EXOC6B: variants seen among roughly 807,000 people sequenced by gnomAD.
The protein encoded by EXOC6B is SEC15 homolog B.
A neutral mutation model predicts 113.5 loss-of-function variants in EXOC6B; 54 were observed. The observed-to-expected ratio is 0.48, with a 90% CI of 0.38 to 0.60. The LOEUF is 0.60. Among genes scored for constraint, EXOC6B ranks in the 20% least tolerant of loss-of-function variants. The pLI, the probability that EXOC6B is intolerant of heterozygous loss-of-function variation, is 0.00. For missense variants in EXOC6B, 797 were observed against 977.5 expected, an observed-to-expected ratio of 0.82 and a Z score of 2.46; for synonymous variants, 357 against 339.0, an observed-to-expected ratio of 1.05 and a Z score of -0.58.
chr2:72,793,071 AATTT>A (rs1205910849), intron 1 of EXOC6B, among the ~76,000 whole-genome samples: 1 of 152,074 alleles, frequency 6.6e-6, no homozygotes, highest in East Asian at 1.9e-4. Context: ...AACATACTAT[AATTT>A]ATTTATCAAT....
intron 20 of EXOC6B, among the ~76,000 whole-genome samples, chr2:72,218,642 G>C (rs1680679928): frequency 6.6e-6 from 1 of 151,954 alleles, no homozygotes; most frequent in African/African-American, 2.4e-5. Flanking sequence ...TGATCCGTCA[G>C]CTCTACTCTT....
intron 1 of EXOC6B, among the ~76,000 whole-genome samples, chr2:72,824,847 G>A (rs375936605): frequency 9.2e-5 from 14 of 152,276 alleles, no homozygotes; most frequent in African/African-American, 2.6e-4. Flanking sequence ...ATAATCCCCA[G>A]CTGAGGCAAA....
intron 1 of EXOC6B, among the ~76,000 whole-genome samples, chr2:72,788,207 T>G (rs946128417): frequency 6.6e-6 from 1 of 152,236 alleles, no homozygotes; most frequent in African/African-American, 2.4e-5. Context: ...GTTGTTGTTT[T>G]AAATGACTTA....
chr2:72,666,527 G>T (rs1675401927), intron 6 of EXOC6B, among the ~76,000 whole-genome samples: 1 of 151,828 alleles, frequency 6.6e-6, no homozygotes, highest in South Asian at 2.1e-4. Context: ...GTCTTAGCCA[G>T]AAAAATCAAG....
intron 8 of EXOC6B, among the ~76,000 whole-genome samples, chr2:72,538,295 C>G (rs926732937): frequency 6.6e-6 from 1 of 151,872 alleles, no homozygotes; most frequent in Non-Finnish European, 1.5e-5. Flanking sequence ...GGATAAAATG[C>G]TAAGGGTTCA....
intron 6 of EXOC6B, among the ~76,000 whole-genome samples, chr2:72,597,997 T>A (rs1415501954): frequency 6.6e-6 from 1 of 151,926 alleles, no homozygotes; most frequent in African/African-American, 2.4e-5. Flanking sequence ...ATTATTATAA[T>A]GGGAGAATTC....
intron 6 of EXOC6B, among the ~76,000 whole-genome samples, chr2:72,677,257 T>C (rs1185206944): frequency 6.6e-6 from 1 of 151,956 alleles, no homozygotes; most frequent in Non-Finnish European, 1.5e-5. Flanking sequence ...ATCAGCAGTG[T>C]GCAATGGCTC....
chr2:72,245,537 T>C (rs901438065), intron 20 of EXOC6B, among the ~76,000 whole-genome samples: 2 of 152,140 alleles, frequency 1.3e-5, no homozygotes, highest in Non-Finnish European at 2.9e-5. Flanking sequence ...TGAAAGCATA[T>C]TGGTAAGTGA....
intron 2 of EXOC6B, among the ~76,000 whole-genome samples, chr2:72,737,266 C>G (rs962795369): frequency 4.1e-4 from 62 of 152,066 alleles, no homozygotes; most frequent in African/African-American, 1.5e-3. Flanking sequence ...ATCGCTTGAA[C>G]CCAGGAGGCA....
chr2:72,498,317 C>A, intron 13 of EXOC6B, 137 bp downstream of exon 13: 1 of 564,060 alleles, frequency 1.8e-6, no homozygotes, highest in Non-Finnish European at 3.0e-6. Context: ...AATTCTGGAT[C>A]ATAACCTAGA....
chr2:72,595,929 C>A (rs570272716), intron 6 of EXOC6B, among the ~76,000 whole-genome samples: 23 of 152,166 alleles, frequency 1.5e-4, no homozygotes, highest in Admixed American at 2.6e-4. Flanking sequence ...CAAAATATAG[C>A]CTAGAAAGAT....
At chr2:72,307,704 CT>C (rs1323598464) in intron 20 of EXOC6B, among the ~76,000 whole-genome samples, 1 of 152,104 alleles carries the variant, frequency 6.6e-6, no homozygotes, top group Non-Finnish European at 1.5e-5. Flanking sequence ...CAAAGGTTCC[CT>C]TTTTTTCAGG....
chr2:72,443,450 G>A (rs1343878811), intron 18 of EXOC6B, among the ~76,000 whole-genome samples: 1 of 152,116 alleles, frequency 6.6e-6, no homozygotes, highest in East Asian at 1.9e-4. Flanking sequence ...AAGCAATGGG[G>A]AAAGGGCTTC....
At chr2:72,484,829 T>C (rs1313522498) in intron 16 of EXOC6B, among the ~76,000 whole-genome samples, 1 of 152,216 alleles carries the variant, frequency 6.6e-6, no homozygotes, top group Non-Finnish European at 1.5e-5. Context: ...ATGTACCACA[T>C]TTTCTTTATC....
chr2:72,398,196 A>C, intron 18 of EXOC6B, among the ~76,000 whole-genome samples: 1 of 152,326 alleles, frequency 6.6e-6, no homozygotes, highest in Admixed American at 6.5e-5. Context: ...CTTGCAGTTA[A>C]GTCAGAACTT....
Position 72,246,507 on chromosome 2 carries a change from A to ATTT in EXOC6B, c.2197-62323_2197-62321dup, listed in dbSNP as rs11386307. ...CTCTCTGGAATAGGTTAACTAATTG[A>ATTT]TTTTTTTTTTTTTTTTTTGAGACTG... On this transcript the variant is annotated intron_variant, in intron 20 of 21. Coordinates refer to ENST00000272427, the MANE Select transcript of EXOC6B (RefSeq NM_015189.3). Among the ~76,000 whole-genome samples the ATTT allele has an allele frequency of 2.6e-4, 35 of 137,050 alleles. 1 individual carries two copies. The highest frequency in any genetic ancestry group is 8.2e-4 in the African/African-American group (30 of 36,496). 89.9% of individuals were successfully genotyped at this position (137,050 alleles called of 152,430 possible).
chr2:72,504,746 G>A (rs573744059), intron 11 of EXOC6B, among the ~76,000 whole-genome samples: 6 of 152,136 alleles, frequency 3.9e-5, no homozygotes, highest in South Asian at 2.1e-4. Context: ...TATTCCCTTC[G>A]TAGTGTATCA....
At chr2:72,441,553 G>A (rs773985639) in intron 18 of EXOC6B, among the ~76,000 whole-genome samples, 26 of 151,800 alleles carry the variant, frequency 1.7e-4, no homozygotes, top group South Asian at 1.0e-3. Flanking sequence ...GAAACAATAA[G>A]GAGGATATTA....
At chr2:72,252,463 ACT>A (rs1683084056) in intron 20 of EXOC6B, among the ~76,000 whole-genome samples, 2 of 152,122 alleles carry the variant, frequency 1.3e-5, no homozygotes, top group African/African-American at 4.8e-5. Flanking sequence ...ACAGAGTGAG[ACT>A]CTGTCACAAA....
Sources: gnomAD v4.1 joint callset for allele counts (sites outside exome capture counted in the v4.1 genomes callset) on GRCh38, gnomAD v4.1.1 for gene constraint, MANE v1.5 for transcripts, NCBI Gene and HGNC (gene_info 2026-07-23, HGNC 2026-07-21) for gene names.